Variants in PHACTR3 observed in about 807,000 individuals in gnomAD.
PHACTR3 encodes the protein phosphatase and actin regulator 3.
Under a neutral mutation model 66.8 loss-of-function variants are expected in PHACTR3, and 16 were observed. That is an observed-to-expected ratio of 0.24 (90% CI 0.16 to 0.36). The LOEUF is 0.36. Ranked by LOEUF, PHACTR3 falls within the 10% of genes least tolerant of loss-of-function variation. The probability of loss-of-function intolerance (pLI) is 1.00; values close to 1 mark genes in which losing one functional copy is unlikely to be tolerated. For synonymous variants in PHACTR3, 323 were observed against 292.1 expected, an observed-to-expected ratio of 1.11 and a Z score of -1.08; for missense variants, 647 against 719.9, an observed-to-expected ratio of 0.90 and a Z score of 1.16.
chr20:59,637,183 G>A (rs1321464766), intron 1 of PHACTR3, among the ~76,000 whole-genome samples: 1 of 152,200 alleles, frequency 6.6e-6, no homozygotes, highest in Non-Finnish European at 1.5e-5. Context: ...TCCTGTATGG[G>A]GTCTGTTCTG....
chr20:59,827,002 C>G (rs1171685754), intron 8 of PHACTR3, among the ~76,000 whole-genome samples: 2 of 151,974 alleles, frequency 1.3e-5, no homozygotes, highest in Non-Finnish European at 2.9e-5. Context: ...TCTCTCCTTC[C>G]CTCCCTCCTT....
At chr20:59,826,253 C>A (rs925701952) in intron 8 of PHACTR3, among the ~76,000 whole-genome samples, 5 of 152,148 alleles carry the variant, frequency 3.3e-5, no homozygotes, top group Non-Finnish European at 7.4e-5. Flanking sequence ...TGCTCCTCAG[C>A]AGGTTGTCTC....
chr20:59,639,739 G>A (rs2035034327), intron 1 of PHACTR3, among the ~76,000 whole-genome samples: 1 of 152,174 alleles, frequency 6.6e-6, no homozygotes, highest in South Asian at 2.1e-4. Flanking sequence ...AAGGGGGATG[G>A]ATGCACATGA....
intron 5 of PHACTR3, 152 bp from the exon 6 acceptor site, chr20:59,773,127 C>T: frequency 1.2e-6 from 1 of 848,404 alleles, no homozygotes; most frequent in Non-Finnish European, 1.9e-6. Context: ...GCTTTGGGAG[C>T]AGGGATCCCG....
intron 7 of PHACTR3, among the ~76,000 whole-genome samples, chr20:59,803,883 G>A (rs548623922): frequency 6.6e-6 from 1 of 152,250 alleles, no homozygotes; most frequent in South Asian, 2.1e-4. Flanking sequence ...CGTGTTTGGG[G>A]GCATTTGGGG....
intron 1 of PHACTR3, among the ~76,000 whole-genome samples, chr20:59,665,557 A>G (rs531978867): frequency 1.5e-4 from 23 of 152,276 alleles, no homozygotes; most frequent in African/African-American, 5.3e-4. Flanking sequence ...GGGGGCAGAA[A>G]TAAGAAAAAG....
At chr20:59,831,680 C>T (rs920329686) in intron 8 of PHACTR3, among the ~76,000 whole-genome samples, 4 of 152,292 alleles carry the variant, frequency 2.6e-5, no homozygotes, top group South Asian at 2.1e-4. Context: ...AGCTATGCTC[C>T]GGCCACGTCT....
intron 1 of PHACTR3, among the ~76,000 whole-genome samples, chr20:59,590,107 G>A (rs886220245): frequency 6.6e-6 from 1 of 152,172 alleles, no homozygotes; most frequent in African/African-American, 2.4e-5. Context: ...ACTCACGTGT[G>A]CATGTGTGTG....
intron 8 of PHACTR3, among the ~76,000 whole-genome samples, chr20:59,831,436 G>A (rs563885762): frequency 6.6e-5 from 10 of 152,246 alleles, no homozygotes; most frequent in South Asian, 2.1e-4. Flanking sequence ...CCACACCCAC[G>A]CGATGCTTTA....
At chr20:59,796,500 C>G (rs146380795) in intron 7 of PHACTR3, among the ~76,000 whole-genome samples, 140 of 152,208 alleles carry the variant, frequency 9.2e-4, no homozygotes, top group African/African-American at 3.2e-3. Context: ...CCTTTCACTT[C>G]TGGTTGAAGT....
At chr20:59,596,820 A>C (rs1280938424) in intron 1 of PHACTR3, among the ~76,000 whole-genome samples, 2 of 152,186 alleles carry the variant, frequency 1.3e-5, no homozygotes, top group African/African-American at 4.8e-5. Context: ...GCAGGTACTC[A>C]ACAAATATAG....
At chr20:59,687,237 G>T (rs2036934336) in intron 1 of PHACTR3, among the ~76,000 whole-genome samples, 1 of 152,042 alleles carries the variant, frequency 6.6e-6, no homozygotes, top group African/African-American at 2.4e-5. Flanking sequence ...TGGTGATTGT[G>T]ATGGTGGTGG....
intron 1 of PHACTR3, among the ~76,000 whole-genome samples, chr20:59,681,048 G>C (rs2036624988): frequency 6.6e-6 from 1 of 152,176 alleles, no homozygotes; most frequent in South Asian, 2.1e-4. Context: ...GTTTTCCCAG[G>C]GTTTTCAGGC....
rs938731345 is a variant in PHACTR3, at chr20:59,738,123, G to T, written c.119-4984G>T. 6.6e-6 allele frequency among the ~76,000 whole-genome samples: 1 copy of T among 152,104 alleles called. No individual in the cohort carries two copies. Among genetic ancestry groups the T allele is most frequent in the Non-Finnish European group, 1.5e-5 (1 of 68,022 alleles). ...TTCCACCAGTGGAAGCAGTCACATA[G>T]CCACAGCAAGAAGGAGACACCATAC... is the stretch of plus-strand genomic sequence containing the variant. On this transcript the variant is annotated intron_variant, in intron 1 of 12. Transcript: ENST00000371015. This position sits in a 1 kb window ranked among gnomAD's most constrained non-coding sequence, Gnocchi z 4.4.
Position 59,720,859 on chromosome 20 carries a change from T to C in PHACTR3, c.119-22248T>C, listed in dbSNP as rs2038269372. ...TTTATTGTGTTGAAAATTAAAGACT[T>C]GATAAAAAATGTTTGCTTTTTGTGG... On this transcript the variant is annotated intron_variant, in intron 1 of 12. Coordinates refer to ENST00000371015, the MANE Select transcript of PHACTR3 (RefSeq NM_080672.5). Among the ~76,000 whole-genome samples, 4 of 152,324 alleles carry C rather than the reference T, an allele frequency of 2.6e-5. No homozygotes were observed. The South Asian group carries it at 8.3e-4, about 32-fold the overall frequency.
intron 8 of PHACTR3, among the ~76,000 whole-genome samples, chr20:59,823,362 T>C (rs1285640277): frequency 6.6e-6 from 1 of 152,094 alleles, no homozygotes; most frequent in Admixed American, 6.5e-5. Flanking sequence ...GAACCTGCGG[T>C]AGATCCTTCG....
chr20:59,761,605 T>A (rs531060010), intron 4 of PHACTR3, among the ~76,000 whole-genome samples: 4 of 152,322 alleles, frequency 2.6e-5, no homozygotes, highest in African/African-American at 9.6e-5. Flanking sequence ...TCCTACATAA[T>A]ATTCTTGATT....
At chr20:59,732,905 C>T (rs183254599) in intron 1 of PHACTR3, among the ~76,000 whole-genome samples, 16 of 152,116 alleles carry the variant, frequency 1.1e-4, no homozygotes, top group Admixed American at 5.9e-4. Flanking sequence ...CTCTGTTTCC[C>T]CTATACTGGA....
chr20:59,617,303 G>A (rs535158175), intron 1 of PHACTR3, among the ~76,000 whole-genome samples: 1 of 152,144 alleles, frequency 6.6e-6, no homozygotes, highest in South Asian at 2.1e-4. Context: ...TAAACAAAGA[G>A]TTCCATGATG....
Sources: allele counts gnomAD v4.1 joint callset (sites outside exome capture counted in the v4.1 genomes callset), GRCh38; gene constraint gnomAD v4.1.1; non-coding constraint Gnocchi (gnomAD v3.1); transcripts MANE v1.5; gene names NCBI Gene and HGNC (gene_info 2026-07-23, HGNC 2026-07-21).